FSHR: variants seen among roughly 807,000 people sequenced by gnomAD.
FSHR encodes the protein follicle-stimulating hormone receptor.
A neutral mutation model predicts 52.1 loss-of-function variants in FSHR; 46 were observed. That is an observed-to-expected ratio of 0.88 (90% CI 0.70 to 1.13). The LOEUF (loss-of-function observed/expected upper bound fraction) is 1.13. Among genes scored for constraint, FSHR ranks in the 50% most tolerant of loss-of-function variants. The probability of loss-of-function intolerance (pLI) is 0.00; values close to 1 mark genes in which losing one functional copy is unlikely to be tolerated. For missense variants in FSHR, 964 were observed against 834.6 expected (o/e 1.16, Z -1.91); for synonymous variants, 399 against 309.6 (o/e 1.29, Z -3.03).
intron 2 of FSHR, among the ~76,000 whole-genome samples, chr2:49,020,522 T>TC (rs1491050670): frequency 4.8e-5 from 7 of 146,782 alleles, no homozygotes; most frequent in Admixed American, 6.8e-5. Flanking sequence ...TTTTTTTTTT[T>TC]TACAGGGCTA....
In FSHR at chr2:48,963,876, T is replaced by C. The variant is rs201693291; in HGVS notation, c.945A>G (p.Ala315=). 1.2e-6 allele frequency: 2 copies of C among 1,614,140 alleles called. No homozygotes were observed. The highest frequency in any genetic ancestry group is 4.5e-5 in the East Asian group (2 of 44,884). The change falls in exon 10 of 10, where the codon GCA becomes GCG. Residue 315 remains alanine (A), a synonymous_variant. Coordinates refer to ENST00000406846, the MANE Select transcript of FSHR (RefSeq NM_000145.4). ...TQARGQRSSL[A]EDNESSYSRG... is the part of the protein sequence containing the mutation. The stretch of plus-strand genomic sequence containing the variant: ...TGCTGTAGCTGGACTCATTGTCTTC[T>C]GCCAGAGAGGATCTCTGACCCCTAG...
intron 1 of FSHR, 56 bp downstream of exon 1, chr2:49,154,210 G>A: frequency 9.1e-6 from 14 of 1,539,958 alleles, no homozygotes; most frequent in Non-Finnish European, 1.2e-5. Context: ...AATAATAATA[G>A]TACGCAATGC....
At chr2:49,067,095 A>T (rs775764057) in intron 2 of FSHR, among the ~76,000 whole-genome samples, 2 of 152,086 alleles carry the variant, frequency 1.3e-5, no homozygotes, top group Non-Finnish European at 2.9e-5. Context: ...ATTGGAAATC[A>T]CGTAAGCCCC....
intron 8 of FSHR, among the ~76,000 whole-genome samples, chr2:48,970,082 A>C (rs1287414672): frequency 6.6e-6 from 1 of 152,214 alleles, no homozygotes; most frequent in East Asian, 1.9e-4. Flanking sequence ...GTAGGCACTC[A>C]GAGTAATGAA....
chr2:49,013,234 C>A (rs988805633), intron 4 of FSHR, among the ~76,000 whole-genome samples: 5 of 151,646 alleles, frequency 3.3e-5, no homozygotes, highest in African/African-American at 7.3e-5. Context: ...TTGGACTTCC[C>A]AGCCTCTAGA....
At chr2:49,010,468 G>A (rs1469789649) in intron 4 of FSHR, among the ~76,000 whole-genome samples, 1 of 152,148 alleles carries the variant, frequency 6.6e-6, no homozygotes, top group African/African-American at 2.4e-5. Context: ...ATGTTCATCA[G>A]GGATATTGGT....
intron 2 of FSHR, among the ~76,000 whole-genome samples, chr2:49,034,799 C>T (rs991515473): frequency 6.6e-6 from 1 of 152,070 alleles, no homozygotes; most frequent in African/African-American, 2.4e-5. Flanking sequence ...AACTCATAAT[C>T]GACTTGATAC....
At chr2:48,977,878 G>A (rs1004486294) in intron 8 of FSHR, among the ~76,000 whole-genome samples, 2 of 152,116 alleles carry the variant, frequency 1.3e-5, no homozygotes, top group African/African-American at 2.4e-5. Flanking sequence ...CAAGCGGGGA[G>A]GGGTAGTTGT....
At chr2:49,143,657 G>A (rs1672772252) in intron 1 of FSHR, among the ~76,000 whole-genome samples, 1 of 152,156 alleles carries the variant, frequency 6.6e-6, no homozygotes, top group African/African-American at 2.4e-5. Context: ...AGAAGAACAA[G>A]AGCAAGAAAA....
At chr2:49,147,779 C>T (rs1017209014) in intron 1 of FSHR, among the ~76,000 whole-genome samples, 1 of 151,682 alleles carries the variant, frequency 6.6e-6, no homozygotes, top group Non-Finnish European at 1.5e-5. Flanking sequence ...TCCCCCAGCC[C>T]AATTAAATTC....
rs139503240 is a variant in FSHR at position 49,003,896 on chromosome 2, A to T, written c.375-13259T>A. Among the ~76,000 whole-genome samples the T allele has an allele frequency of 4.4e-3, 650 of 149,368 alleles. 6 individuals carry two copies. The highest frequency in any genetic ancestry group is 0.015 in the African/African-American group (622 of 40,592). ...GCCCTGCCTCCTCTGGCCCATCCCCATGGAGATGGGTAGCTCTCAATGTGT... is the reference window on the plus strand; with the variant it reads ...GCCCTGCCTCCTCTGGCCCATCCCCTTGGAGATGGGTAGCTCTCAATGTGT... On this transcript the variant is annotated intron_variant, in intron 4 of 9. Transcript: ENST00000406846.
At chr2:49,135,983 A>G (rs1315431306) in intron 1 of FSHR, among the ~76,000 whole-genome samples, 1 of 152,038 alleles carries the variant, frequency 6.6e-6, no homozygotes, top group African/African-American at 2.4e-5. Context: ...GAAAATCTAC[A>G]TAAAAGTCGC....
At chr2:49,121,756 C>T (rs144782036) in intron 1 of FSHR, among the ~76,000 whole-genome samples, 313 of 152,184 alleles carry the variant, frequency 2.1e-3, no homozygotes, top group African/African-American at 6.7e-3. Flanking sequence ...TGGTTGCCAC[C>T]GCATCAAAGT....
chr2:49,106,562 C>T (rs947955552), intron 1 of FSHR, among the ~76,000 whole-genome samples: 2 of 152,132 alleles, frequency 1.3e-5, no homozygotes, highest in Non-Finnish European at 2.9e-5. Context: ...ACATATTTTA[C>T]CCTATTCTGT....
intron 1 of FSHR, among the ~76,000 whole-genome samples, chr2:49,125,919 C>T (rs1490511789): frequency 6.6e-6 from 1 of 152,194 alleles, no homozygotes; most frequent in Non-Finnish European, 1.5e-5. Context: ...TGCTATTTCT[C>T]CTCCTGGAGC....
At chr2:49,106,633 T>C (rs770900519) in intron 1 of FSHR, among the ~76,000 whole-genome samples, 33 of 152,190 alleles carry the variant, frequency 2.2e-4, no homozygotes, top group Non-Finnish European at 3.7e-4. Flanking sequence ...TGCAGGCTCA[T>C]GAGCATGGAG....
At chr2:49,127,790 CTT>C (rs1672074769) in intron 1 of FSHR, among the ~76,000 whole-genome samples, 2 of 53,822 alleles carry the variant, frequency 3.7e-5, no homozygotes, top group African/African-American at 7.9e-5. Flanking sequence ...TCTTCTTCTT[CTT>C]CTTCTTCTTC....
At position 49,104,808 on chromosome 2, in the gene FSHR, G is replaced by T. The variant is rs373769338; in HGVS notation, c.153-36518C>A. On this transcript the variant is annotated intron_variant, in intron 1 of 9. Coordinates refer to ENST00000406846, the MANE Select transcript of FSHR (RefSeq NM_000145.4). ...CCATCCCAGCCCAGTATTTCCACCA[G>T]TTCTGCTTAGCCCCAGTGCCCCCTC... Among the ~76,000 whole-genome samples, 6 of 139,488 alleles carry T rather than the reference G, an allele frequency of 4.3e-5. No homozygotes were observed. In the East Asian group the frequency reaches 9.8e-4, roughly 23 times the overall value. 91.5% of individuals were successfully genotyped at this position (139,488 alleles called of 152,430 possible). A position where few individuals can be genotyped will look rare whatever the true frequency, so the allele number is the denominator to read the frequency against.
intron 1 of FSHR, among the ~76,000 whole-genome samples, chr2:49,145,373 T>C (rs1451264422): frequency 1.3e-5 from 2 of 152,146 alleles, no homozygotes; most frequent in Non-Finnish European, 2.9e-5. Context: ...TGTGCCCTTC[T>C]TATAAAATAA....
Sources: allele counts gnomAD v4.1 joint callset (sites outside exome capture counted in the v4.1 genomes callset), GRCh38; gene constraint gnomAD v4.1.1; transcripts MANE v1.5; gene names NCBI Gene and HGNC (gene_info 2026-07-23, HGNC 2026-07-21).